Variants in ZMYM6 observed in about 807,000 individuals in gnomAD.
ZMYM6 encodes zinc finger MYM-type protein 6.
Under a neutral mutation model 134.0 loss-of-function variants are expected in ZMYM6, and 90 were observed. The observed-to-expected ratio is 0.67, with a 90% CI of 0.57 to 0.80. The LOEUF (loss-of-function observed/expected upper bound fraction) is 0.80. ZMYM6 is among the 30% of genes least tolerant of loss of function. The probability of loss-of-function intolerance (pLI) is 0.00; values close to 1 mark genes in which losing one functional copy is unlikely to be tolerated. For missense variants in ZMYM6, 1,362 were observed against 1,533.9 expected (o/e 0.89, Z 1.87); for synonymous variants, 481 against 524.1 (o/e 0.92, Z 1.12).
chr1:35,030,255 C>A, intron 2 of ZMYM6: 1 of 249,724 alleles, frequency 4.0e-6, no homozygotes, highest in East Asian at 1.0e-4. Flanking sequence ...CATGGCCAAA[C>A]CCCGTCTCTA....
intron 12 of ZMYM6, among the ~76,000 whole-genome samples, chr1:35,005,565 A>T (rs1376175371): frequency 6.6e-6 from 1 of 151,132 alleles, no homozygotes; most frequent in Non-Finnish European, 1.5e-5. Context: ...GGAGGCTGAA[A>T]CAGGGGGATC....
rs528819518 is a variant in ZMYM6, at chr1:35,004,726, G to C, written c.1954+406C>G. ...GGGTGGGGAGGCGGTGGGAGGGGGT[G>C]CATGTTCCCCTACATCACGTAAAGA... On this transcript the variant is annotated intron_variant, in intron 13 of 15. Coordinates refer to ENST00000357182, the MANE Select transcript of ZMYM6 (RefSeq NM_007167.4). 2.0e-5 allele frequency among the ~76,000 whole-genome samples: 3 copies of C among 152,212 alleles called. No individual in the cohort carries two copies. The East Asian group carries it at 5.8e-4, about 29-fold the overall frequency.
At chr1:34,993,646 A>G (rs1187041104) in intron 14 of ZMYM6, among the ~76,000 whole-genome samples, 1 of 152,248 alleles carries the variant, frequency 6.6e-6, no homozygotes, top group East Asian at 1.9e-4. Context: ...TTGGGGGGCT[A>G]CTATTCTGCC....
At position 35,010,603 on chromosome 1, in the gene ZMYM6, G is replaced by A. The variant is rs1377262899; in HGVS notation, c.1342-6C>T. On this transcript the variant is annotated splice_region_variant and splice_polypyrimidine_tract_variant and intron_variant, in intron 9 of 15. Transcript: ENST00000357182. ...CAAAACAGAAACATTTTACCCTGCA[G>A]AGAAACAACAGTCCATTAAGAGCCA... is the stretch of plus-strand genomic sequence containing the variant. The A allele has an allele frequency of 6.2e-7, 1 of 1,604,630 alleles. No individual in the cohort carries two copies. Among genetic ancestry groups the A allele is most frequent in the African/African-American group, 1.3e-5 (1 of 74,228 alleles).
At chr1:34,994,325 GA>G (rs1400677643) in intron 14 of ZMYM6, among the ~76,000 whole-genome samples, 2 of 152,200 alleles carry the variant, frequency 1.3e-5, no homozygotes, top group African/African-American at 4.8e-5. Flanking sequence ...TGGCATGGAG[GA>G]GGGGCAATTC....
chr1:34,998,969 CAA>C (rs1213252785), intron 14 of ZMYM6, among the ~76,000 whole-genome samples: 1 of 151,946 alleles, frequency 6.6e-6, no homozygotes, highest in African/African-American at 2.4e-5. Flanking sequence ...TAAAAATGTA[CAA>C]AGTTAGCCAG....
intron 2 of ZMYM6, among the ~76,000 whole-genome samples, chr1:35,026,205 G>A (rs180929461): frequency 6.6e-6 from 1 of 151,800 alleles, no homozygotes; most frequent in African/African-American, 2.4e-5. Context: ...ATTTTTAGTA[G>A]AGACAGGGTT....
Position 34,988,188 on chromosome 1 carries a change from A to G in ZMYM6, c.2894T>C (p.Ile965Thr), listed in dbSNP as rs1203079156. 9.0e-6 allele frequency: 14 copies of G among 1,548,764 alleles called. No individual in the cohort carries two copies. The highest frequency in any genetic ancestry group is 1.2e-5 in the Non-Finnish European group (14 of 1,145,708). The change falls in exon 16 of 16, where the codon ATT (isoleucine) becomes ACT (threonine). Residue 965 changes from isoleucine to threonine, a missense_variant. Physicochemically the swap from Ile to Thr is moderately conservative, Grantham distance 89. Transcript: ENST00000357182. ...FEIFELINKYIDSKSLNWKHC... is the reference protein window; with the variant it reads ...FEIFELINKYTDSKSLNWKHC... Reference sequence around the variant, plus strand: ...TTTCCAATTCAGAGATTTACTATCAATATATTTATTTATTAGTTCAAATAT... The same window carrying G: ...TTTCCAATTCAGAGATTTACTATCAGTATATTTATTTATTAGTTCAAATAT...
chr1:35,007,090 C>G lies in ZMYM6; in HGVS notation c.1674G>C (p.Lys558Asn), dbSNP rs369377351. Residue 558 changes from lysine (K) to asparagine (N), a missense_variant, in exon 12 of 16, where the codon AAG (lysine) becomes AAC (asparagine). By Grantham distance (94) the Lys-to-Asn change is moderately conservative. Coordinates refer to ENST00000357182, the MANE Select transcript of ZMYM6 (RefSeq NM_007167.4). ...TACCCTGTCGTTTACAACCATCACA[C>G]TTGGCCATCTGAAAAAGAAATGTTA... is the stretch of plus-strand genomic sequence containing the variant. ...KFTVLFYQMA[K>N]CDGCKRQGKL... The G allele has an allele frequency of 6.3e-7, 1 of 1,594,808 alleles. No homozygotes were observed. Among genetic ancestry groups the G allele is most frequent in the Non-Finnish European group, 8.5e-7 (1 of 1,172,690 alleles).
chr1:35,011,225 A>C (rs1226888160), intron 8 of ZMYM6, among the ~76,000 whole-genome samples, 189 bp from the exon 9 acceptor site: 3 of 152,186 alleles, frequency 2.0e-5, no homozygotes, highest in African/African-American at 4.8e-5. Context: ...TAAAAGGTCA[A>C]GGACTGGAAT....
intron 12 of ZMYM6, among the ~76,000 whole-genome samples, chr1:35,005,629 CAA>C (rs1182722333): frequency 8.4e-5 from 5 of 59,316 alleles, no homozygotes; most frequent in Middle Eastern, 0.011. Flanking sequence ...AACCTAGTCT[CAA>C]AAAAAAAAAA....
intron 14 of ZMYM6, among the ~76,000 whole-genome samples, chr1:34,993,559 C>G (rs1171579467): frequency 1.3e-5 from 2 of 152,182 alleles, no homozygotes; most frequent in African/African-American, 4.8e-5. Flanking sequence ...AACCCTAATG[C>G]CACTTGCTAC....
intron 3 of ZMYM6, 58 bp from the exon 4 acceptor site, chr1:35,019,660 G>GTCTCTC: frequency 2.7e-6 from 4 of 1,460,474 alleles, no homozygotes; most frequent in Non-Finnish European, 3.6e-6. Flanking sequence ...TACAGTCTCA[G>GTCTCTC]TCTCTCTCTC....
Position 34,991,202 on chromosome 1 carries a change from A to G in ZMYM6, c.2146+1032T>C, listed in dbSNP as rs183306308. Among the ~76,000 whole-genome samples the G allele has an allele frequency of 6.6e-3, 1,009 of 151,864 alleles. 8 individuals are homozygous for G. The highest frequency in any genetic ancestry group is 0.023 in the African/African-American group (972 of 41,430). ...TTAATCTAGAACTCAAAACATAAGC[A>G]CACACACACACACAAACATACACAC... On this transcript the variant is annotated intron_variant, in intron 15 of 15. Transcript: ENST00000357182.
intron 14 of ZMYM6, among the ~76,000 whole-genome samples, chr1:34,995,146 CAT>C (rs1398499407): frequency 1.6e-4 from 24 of 147,148 alleles, no homozygotes; most frequent in African/African-American, 5.0e-4. Flanking sequence ...CACACACACA[CAT>C]ACACACACAC....
intron 10 of ZMYM6, 26 bp from the exon 11 acceptor site, chr1:35,008,950 GA>G (rs755700953): frequency 6.3e-7 from 1 of 1,592,370 alleles, no homozygotes; most frequent in Admixed American, 1.8e-5. Context: ...ATGAAAGGAA[GA>G]AAAATCAAAT....
intron 15 of ZMYM6, among the ~76,000 whole-genome samples, chr1:34,990,928 G>A (rs192697616): frequency 2.6e-5 from 4 of 152,146 alleles, no homozygotes; most frequent in South Asian, 2.1e-4. Flanking sequence ...ACAATGGCGC[G>A]ATCTCAGCTC....
At position 35,010,435 on chromosome 1, in the gene ZMYM6, C is replaced by T. The variant is rs1363626870; in HGVS notation, c.1492+12G>A. On this transcript the variant is annotated intron_variant, in intron 10 of 15. Transcript: ENST00000357182. ...AACCCATGCTCTGTGAATAAAACAA[C>T]TTTGTCTTTACCTTCACTACAGAAT... The T allele has an allele frequency of 1.2e-6, 2 of 1,600,226 alleles. No individual in the cohort carries two copies. Among genetic ancestry groups the T allele is most frequent in the East Asian group, 2.2e-5 (1 of 44,852 alleles).
rs762582923 is a variant in ZMYM6, at chr1:35,006,950, C to T, written c.1813+1G>A. 6.2e-7 allele frequency: 1 copy of T among 1,608,724 alleles called. No individual in the cohort carries two copies. Among genetic ancestry groups the T allele is most frequent in the South Asian group, 1.1e-5 (1 of 89,868 alleles). ...ATCCCATTAGCTAAGTTTAATTTTA[C>T]CTTTATTTTGTGGAAGACAGTCATT... is the stretch of plus-strand genomic sequence containing the variant. On this transcript the variant is annotated splice_donor_variant, in intron 12 of 15. Transcript: ENST00000357182. LOFTEE classifies it high-confidence loss of function.
Sources: allele counts gnomAD v4.1 joint callset (sites outside exome capture counted in the v4.1 genomes callset), GRCh38; gene constraint gnomAD v4.1.1; transcripts MANE v1.5; gene names NCBI Gene and HGNC (gene_info 2026-07-23, HGNC 2026-07-21).